The following COL6A5 variants were observed in gnomAD, a reference collection of about 807,000 sequenced individuals.
The protein encoded by COL6A5 is collagen type VI alpha 5 chain, also known as collagen alpha-5(VI) chain.
COL6A5 carries 48 observed loss-of-function variants against 65.6 expected under a neutral mutation model. The observed-to-expected ratio is 0.73, with a 90% CI of 0.58 to 0.93. The LOEUF (loss-of-function observed/expected upper bound fraction) is 0.93. COL6A5 is among the 40% of genes least tolerant of loss of function. The probability of loss-of-function intolerance (pLI) is 0.00; values close to 1 mark genes in which losing one functional copy is unlikely to be tolerated. For synonymous variants in COL6A5, 291 were observed against 322.8 expected (o/e 0.90, Z 1.05); for missense variants, 914 against 928.3 (o/e 0.98, Z 0.20).
chr3:130,403,333 G>A (rs1169685186), intron 12 of COL6A5, among the ~76,000 whole-genome samples: 1 of 152,182 alleles, frequency 6.6e-6, no homozygotes, highest in Non-Finnish European at 1.5e-5. Flanking sequence ...TCAGGTGCAG[G>A]TGTGGCTCTG....
At chr3:130,373,774 A>G in intron 2 of COL6A5, 69 bp downstream of exon 2, 1 of 929,154 alleles carries the variant, frequency 1.1e-6, no homozygotes, top group Non-Finnish European at 1.7e-6. Context: ...TTTAATAAAC[A>G]GCAAGAAATA....
chr3:130,466,229 A>G (rs1191567191), intron 5 of COL6A5, among the ~76,000 whole-genome samples: 1 of 152,044 alleles, frequency 6.6e-6, no homozygotes, highest in African/African-American at 2.4e-5. Flanking sequence ...ACCATAAAAC[A>G]ATGCTCAACA....
At chr3:130,481,111 T>C (rs2935466) in intron 7 of COL6A5, among the ~76,000 whole-genome samples, 94,121 of 151,166 alleles carry the variant, frequency 0.62, 32,837 homozygotes, top group Non-Finnish European at 0.79. Context: ...GTTTGTTACA[T>C]AGGTATACAC....
chr3:130,451,121 T>C (rs921599034), intron 4 of COL6A5, among the ~76,000 whole-genome samples: 1 of 152,178 alleles, frequency 6.6e-6, no homozygotes, highest in Non-Finnish European at 1.5e-5. Flanking sequence ...CTTAAACTGT[T>C]TTAAAAAGGT....
intron 1 of COL6A5, among the ~76,000 whole-genome samples, chr3:130,436,967 A>G (rs561522423): frequency 2.2e-4 from 33 of 152,274 alleles, no homozygotes; most frequent in Admixed American, 7.2e-4. Context: ...AGCCTATTCA[A>G]TACTTCCACT....
rs139500009 is a variant in COL6A5 at position 130,440,516 on chromosome 3, C to T, written c.934C>T (p.Arg312Cys). The T allele has an allele frequency of 9.9e-6, 16 of 1,613,602 alleles. No homozygotes were observed. In the East Asian group the frequency reaches 1.1e-4, roughly 11 times the overall value. Residue 312 changes from arginine to cysteine, a missense_variant, in exon 3 of 8, where the codon CGT becomes TGT. Coordinates refer to ENST00000512836, the Ensembl canonical transcript of COL6A5. ...GCTAAATGGAGAAGCAACAATTGGT[C>T]GTGCCCTACTGTGGACCACTGAAAA...
exon 1 of COL6A5, chr3:130,431,726 C>T: frequency 6.4e-7 from 1 of 1,551,602 alleles, no homozygotes; most frequent in Non-Finnish European, 8.7e-7. Flanking sequence ...TATCAAGACA[C>T]CACAGAGCCC....
chr3:130,401,256 C>A, intron 11 of COL6A5, 83 bp downstream of exon 11: 2 of 1,181,012 alleles, frequency 1.7e-6, no homozygotes, highest in Non-Finnish European at 2.4e-6. Flanking sequence ...TCAAAGACTG[C>A]CTTTGTTTAC....
exon 8 of COL6A5, chr3:130,395,083 T>G: frequency 6.4e-7 from 1 of 1,551,682 alleles, no homozygotes; most frequent in Non-Finnish European, 8.7e-7. Flanking sequence ...TGAAAAACTC[T>G]CTGACTAAAA....
At chr3:130,405,366 C>G (rs866297486) in intron 13 of COL6A5, among the ~76,000 whole-genome samples, 21 of 152,108 alleles carry the variant, frequency 1.4e-4, no homozygotes, top group African/African-American at 4.8e-4. Flanking sequence ...GATCTTGGGT[C>G]TATAAAAAGC....
intron 1 of COL6A5, among the ~76,000 whole-genome samples, chr3:130,434,795 T>C (rs1937972518): frequency 6.6e-6 from 1 of 152,236 alleles, no homozygotes. Flanking sequence ...TTTGGGTTTT[T>C]TTCTTGCAAA....
intron 24 of COL6A5, among the ~76,000 whole-genome samples, chr3:130,417,747 G>A (rs1937390147): frequency 1.3e-5 from 2 of 152,114 alleles, no homozygotes; most frequent in Non-Finnish European, 2.9e-5. Flanking sequence ...TGTGACCTGT[G>A]CAGCCACACA....
At chr3:130,403,697 C>T in intron 13 of COL6A5, 35 bp downstream of exon 13, 1 of 1,467,218 alleles carries the variant, frequency 6.8e-7, no homozygotes, top group East Asian at 2.5e-5. Flanking sequence ...CCCCCTGTTG[C>T]ACACACACTG....
intron 1 of COL6A5, among the ~76,000 whole-genome samples, chr3:130,437,592 G>A (rs1199371772): frequency 2.0e-5 from 3 of 152,078 alleles, no homozygotes; most frequent in Non-Finnish European, 2.9e-5. Flanking sequence ...TGGCTTGCAA[G>A]TCTCTAAATG....
At chr3:130,477,074 A>G (rs572123296) in intron 7 of COL6A5, 1 of 1,516,330 alleles carries the variant, frequency 6.6e-7, no homozygotes, top group African/African-American at 1.4e-5. Context: ...GAAGCATCTT[A>G]CCTAAGAATT....
At position 130,440,075 on chromosome 3, in the gene COL6A5, G is replaced by A. The variant is rs571402587; in HGVS notation, c.582-91G>A. 3 of 963,670 alleles carry A rather than the reference G, an allele frequency of 3.1e-6. No homozygotes were observed. The South Asian group carries it at 5.2e-5, about 17-fold the overall frequency. 59.7% of individuals were successfully genotyped at this position (963,670 alleles called of 1,614,324 possible). A position where few individuals can be genotyped will look rare whatever the true frequency, so the allele number is the denominator to read the frequency against. ...GATATTGATCAAATTATAATTCTTG[G>A]TAATTAGTCACTGAGTCACTTGAAG... On this transcript the variant is annotated intron_variant, in intron 2 of 7. Coordinates refer to ENST00000512836, the Ensembl canonical transcript of COL6A5.
At chr3:130,482,042 T>C (rs1380899153) in intron 7 of COL6A5, among the ~76,000 whole-genome samples, 1 of 152,252 alleles carries the variant, frequency 6.6e-6, no homozygotes, top group Non-Finnish European at 1.5e-5. Context: ...AGATGCTGTT[T>C]AGTTTAATTA....
At chr3:130,420,376 TCAA>T (rs1353053891) in intron 25 of COL6A5, among the ~76,000 whole-genome samples, 1 of 152,128 alleles carries the variant, frequency 6.6e-6, no homozygotes, top group East Asian at 1.9e-4. Context: ...TTTAGTAGCT[TCAA>T]AATATTCTAC....
At chr3:130,370,412 G>T (rs555599955) in intron 1 of COL6A5, among the ~76,000 whole-genome samples, 21 of 152,190 alleles carry the variant, frequency 1.4e-4, no homozygotes, top group African/African-American at 5.1e-4. Context: ...TAACTACAGG[G>T]CTGGAAGAGG....
Sources: allele counts gnomAD v4.1 joint callset (sites outside exome capture counted in the v4.1 genomes callset), GRCh38; gene constraint gnomAD v4.1.1; transcripts MANE v1.5; gene names NCBI Gene and HGNC (gene_info 2026-07-23, HGNC 2026-07-21).